The following IFI44 variants were observed in gnomAD, a reference collection of about 807,000 sequenced individuals.
IFI44 encodes the protein interferon-induced protein 44.
In IFI44, 42 loss-of-function variants were observed where a neutral mutation model predicts 45.0. The ratio of observed to expected loss-of-function variants is 0.93; its 90% CI spans 0.73 to 1.21. The LOEUF (loss-of-function observed/expected upper bound fraction) is 1.21. Ranked by LOEUF, IFI44 falls within the 50% of genes most tolerant of loss-of-function variation. The pLI is 0.00. For synonymous variants in IFI44, 221 were observed against 188.6 expected, an observed-to-expected ratio of 1.17 and a Z score of -1.41; for missense variants, 623 against 525.8, an observed-to-expected ratio of 1.18 and a Z score of -1.81.
intron 8 of IFI44, 135 bp downstream of exon 8, chr1:78,663,013 C>T (rs1647557272): frequency 6.5e-7 from 1 of 1,537,346 alleles, no homozygotes; most frequent in Non-Finnish European, 8.8e-7. Flanking sequence ...CTTTTTAACC[C>T]ACTCCCTGGA....
intron 6 of IFI44, 78 bp from the exon 7 acceptor site, chr1:78,660,476 T>A: frequency 2.9e-6 from 3 of 1,046,244 alleles, no homozygotes; most frequent in Non-Finnish European, 2.9e-6. Flanking sequence ...ATAGGTTGCC[T>A]ATTACATAAT....
chr1:78,650,090 T>C, intron 1 of IFI44, 96 bp from the exon 2 acceptor site: 1 of 670,764 alleles, frequency 1.5e-6, no homozygotes, highest in Non-Finnish European at 2.3e-6. Context: ...TTTTTTGTAT[T>C]ATGTAGAGTA....
chr1:78,663,732 T>A (rs1309933174), intron 8 of IFI44, 33 bp from the exon 9 acceptor site: 4 of 1,607,032 alleles, frequency 2.5e-6, no homozygotes, highest in South Asian at 1.1e-5. Flanking sequence ...CCTGAGATAA[T>A]CCACTAAGAA....
intron 6 of IFI44, among the ~76,000 whole-genome samples, chr1:78,659,942 A>T (rs1013096706): frequency 6.6e-6 from 1 of 152,200 alleles, no homozygotes; most frequent in African/African-American, 2.4e-5. Flanking sequence ...TGGAGAAGGT[A>T]ACCAGGATCA....
intron 3 of IFI44, 94 bp downstream of exon 3, chr1:78,654,373 T>A (rs1050213866): frequency 2.9e-6 from 2 of 682,738 alleles, no homozygotes; most frequent in Non-Finnish European, 5.2e-6. Flanking sequence ...ACACATATTA[T>A]CACACATAAC....
Position 78,663,924 on chromosome 1 carries a change from T to G in IFI44, c.*113T>G, listed in dbSNP as rs1429827115. 3 of 887,512 alleles carry G rather than the reference T, an allele frequency of 3.4e-6. No homozygotes were observed. The highest frequency in any genetic ancestry group is 5.0e-6 in the Non-Finnish European group (3 of 596,024). 55.0% of individuals were successfully genotyped at this position (887,512 alleles called of 1,614,324 possible). Reference sequence around the variant, plus strand: ...AGACCAAAGGGATGTGTTTTATTAATGTCTAGGATGAAGAAATGCATAGAA... The same window carrying G: ...AGACCAAAGGGATGTGTTTTATTAAGGTCTAGGATGAAGAAATGCATAGAA... On this transcript the variant is annotated 3_prime_UTR_variant, in exon 9 of 9. Coordinates refer to ENST00000370747, the MANE Select transcript of IFI44 (RefSeq NM_006417.5).
At position 78,652,227 on chromosome 1, in the gene IFI44, G is replaced by A. The variant is rs183547229; in HGVS notation, c.457+1575G>A. On this transcript the variant is annotated intron_variant, in intron 2 of 8. Coordinates refer to ENST00000370747, the MANE Select transcript of IFI44 (RefSeq NM_006417.5). ...CTCCCGAGTAACTGGGATTACAGGC[G>A]GACACCACCATCCCCGGCTAATTTT... is the stretch of plus-strand genomic sequence containing the variant. Among the ~76,000 whole-genome samples, 10 of 152,124 alleles carry A rather than the reference G, an allele frequency of 6.6e-5. No homozygotes were observed. The East Asian group carries it at 7.7e-4, about 12-fold the overall frequency.
At chr1:78,656,317 T>C (rs1041222512) in intron 5 of IFI44, among the ~76,000 whole-genome samples, 3 of 152,232 alleles carry the variant, frequency 2.0e-5, no homozygotes, top group African/African-American at 7.2e-5. Context: ...GTATATATTT[T>C]TTAAACTTGT....
intron 4 of IFI44, 51 bp from the exon 5 acceptor site, chr1:78,655,311 C>A: frequency 1.3e-6 from 2 of 1,560,684 alleles, no homozygotes; most frequent in East Asian, 2.3e-5. Context: ...GACTTCATCT[C>A]AATTTATAAT....
chr1:78,656,305 A>G (rs1285124306), intron 5 of IFI44, among the ~76,000 whole-genome samples: 2 of 152,196 alleles, frequency 1.3e-5, no homozygotes, highest in African/African-American at 4.8e-5. Context: ...AAAACCATCT[A>G]AGTATATATT....
chr1:78,659,069 A>G (rs1647306345), intron 5 of IFI44, among the ~76,000 whole-genome samples: 1 of 151,340 alleles, frequency 6.6e-6, no homozygotes, highest in South Asian at 2.1e-4. Context: ...TAGCAGACTC[A>G]CTCCTGCTAT....
At position 78,650,401 on chromosome 1, in the gene IFI44, A is replaced by ACCAGGAAGGAAAGTATGCTT. The variant is rs1428573002; in HGVS notation, c.210_229dup (p.Ile77ArgfsTer23). The ACCAGGAAGGAAAGTATGCTT allele has an allele frequency of 2.5e-6, 4 of 1,613,932 alleles. No individual in the cohort carries two copies. Among genetic ancestry groups the ACCAGGAAGGAAAGTATGCTT allele is most frequent in the Non-Finnish European group, 3.4e-6 (4 of 1,179,928 alleles). ...ATTGGAGCATATGCAGAAGAGAGTT[A>ACCAGGAAGGAAAGTATGCTT]CCAGGAAGGAAAGTATGCTTCCATC... On this transcript the variant is annotated frameshift_variant, in exon 2 of 9. Transcript: ENST00000370747. LOFTEE classifies it high-confidence loss of function.
At chr1:78,651,097 C>A (rs965207559) in intron 2 of IFI44, among the ~76,000 whole-genome samples, 2 of 152,174 alleles carry the variant, frequency 1.3e-5, no homozygotes, top group African/African-American at 2.4e-5. Context: ...GGTCACCAAC[C>A]TTTTTGGCAC....
chr1:78,650,144 T>C, intron 1 of IFI44, 42 bp from the exon 2 acceptor site: 1 of 1,390,838 alleles, frequency 7.2e-7, no homozygotes, highest in Non-Finnish European at 9.8e-7. Flanking sequence ...ATATTATCTG[T>C]TTTTTAATAT....
chr1:78,651,398 G>A (rs917064336), intron 2 of IFI44, among the ~76,000 whole-genome samples: 2 of 152,046 alleles, frequency 1.3e-5, no homozygotes, highest in African/African-American at 4.8e-5. Context: ...AATATGGTTT[G>A]CGCTCCTATG....
chr1:78,661,576 A>T (rs1647458160), intron 7 of IFI44, among the ~76,000 whole-genome samples: 1 of 152,148 alleles, frequency 6.6e-6, no homozygotes, highest in African/African-American at 2.4e-5. Context: ...TCATGAAAAA[A>T]ATTCCCCCGC....
At chr1:78,663,526 A>G in intron 8 of IFI44, 2 of 985,166 alleles carry the variant, frequency 2.0e-6, no homozygotes, top group Non-Finnish European at 2.4e-6. Flanking sequence ...TGGGAAATCA[A>G]TTCAGAATAT....
At position 78,655,537 on chromosome 1, in the gene IFI44, T is replaced by C. The variant is rs1165827344; in HGVS notation, c.840+26T>C. ...GTAATATTTGACTAATGAGAAATTA[T>C]AACTGATTTTTAAAATGCTTATTTT... On this transcript the variant is annotated intron_variant, in intron 5 of 8. Transcript: ENST00000370747. 4 of 1,570,404 alleles carry C rather than the reference T, an allele frequency of 2.5e-6. No individual in the cohort carries two copies. In the South Asian group the frequency reaches 4.6e-5, roughly 18 times the overall value.
intron 2 of IFI44, among the ~76,000 whole-genome samples, chr1:78,652,507 G>A (rs887342682): frequency 1.3e-5 from 2 of 152,184 alleles, no homozygotes; most frequent in South Asian, 4.1e-4. Flanking sequence ...AATTACCAGC[G>A]TATTTATTAG....
Sources: gnomAD v4.1 joint callset for allele counts (sites outside exome capture counted in the v4.1 genomes callset) on GRCh38, gnomAD v4.1.1 for gene constraint, MANE v1.5 for transcripts, NCBI Gene and HGNC (gene_info 2026-07-23, HGNC 2026-07-21) for gene names.